The following MTUS2 variants were observed in gnomAD, a reference collection of about 807,000 sequenced individuals.
MTUS2 encodes the protein microtubule-associated tumor suppressor candidate 2.
In MTUS2, 40 loss-of-function variants were observed where a neutral mutation model predicts 114.1. That is an observed-to-expected ratio of 0.35 (90% CI 0.27 to 0.46). MTUS2 has a LOEUF of 0.46. Among genes scored for constraint, MTUS2 ranks in the 20% least tolerant of loss-of-function variants. MTUS2 has a pLI of 1.00. For synonymous variants in MTUS2, 688 were observed against 672.0 expected, an observed-to-expected ratio of 1.02 and a Z score of -0.37; for missense variants, 1,679 against 1,705.4, an observed-to-expected ratio of 0.98 and a Z score of 0.27.
At chr13:28,958,604 G>A (rs1333636319) in intron 2 of MTUS2, among the ~76,000 whole-genome samples, 1 of 152,206 alleles carries the variant, frequency 6.6e-6, no homozygotes, top group Non-Finnish European at 1.5e-5. Flanking sequence ...AGATTAAAAG[G>A]TGTGGAAATT....
chr13:28,964,218 G>A lies in MTUS2; in HGVS notation c.-242-60239G>A, dbSNP rs570007162. 1.3e-4 allele frequency among the ~76,000 whole-genome samples: 20 copies of A among 152,236 alleles called. No homozygotes were observed. In the South Asian group the frequency reaches 4.1e-3, roughly 32 times the overall value. On this transcript the variant is annotated intron_variant, in intron 2 of 15. Coordinates refer to ENST00000612955, the MANE Select transcript of MTUS2 (RefSeq NM_001033602.4). The stretch of plus-strand genomic sequence containing the variant: ...TTCCTACCTGGTCATCTGCAGTCTA[G>A]TAAATGGCAATACTGCTGACTCTGC...
chr13:28,955,849 G>T (rs1339287237), intron 2 of MTUS2, among the ~76,000 whole-genome samples: 1 of 151,564 alleles, frequency 6.6e-6, no homozygotes, highest in Non-Finnish European at 1.5e-5. Flanking sequence ...GCCCCTTTCT[G>T]CTTGGACCAT....
rs1020896980 is a variant in MTUS2 at position 28,935,759 on chromosome 13, A to AT, written c.-242-88687dup. Among the ~76,000 whole-genome samples the AT allele has an allele frequency of 7.8e-3, 1,155 of 147,320 alleles. 16 individuals carry two copies. Among genetic ancestry groups the AT allele is most frequent in the African/African-American group, 0.026 (1,057 of 40,420 alleles). On this transcript the variant is annotated intron_variant, in intron 2 of 15. Coordinates refer to ENST00000612955, the MANE Select transcript of MTUS2 (RefSeq NM_001033602.4). ...TGCAAACATTCCAAAGACCAGGCTC[A>AT]TTTTTTTTTTTAAGAGACAGAGTCT...
chr13:29,444,987 A>G (rs1220456307), intron 9 of MTUS2, among the ~76,000 whole-genome samples: 1 of 152,122 alleles, frequency 6.6e-6, no homozygotes. Flanking sequence ...TAAGCATGGA[A>G]AGTAATCCCC....
intron 4 of MTUS2, among the ~76,000 whole-genome samples, chr13:29,047,488 A>G (rs1222914918): frequency 4.0e-5 from 6 of 151,052 alleles, no homozygotes; most frequent in African/African-American, 1.5e-4. Flanking sequence ...GTTGAGCTAT[A>G]GTTCACATAC....
At chr13:29,090,855 G>C (rs1889912874) in intron 4 of MTUS2, among the ~76,000 whole-genome samples, 1 of 152,214 alleles carries the variant, frequency 6.6e-6, no homozygotes, top group Non-Finnish European at 1.5e-5. Flanking sequence ...CAAACCCTTT[G>C]GGACCCATGC....
chr13:29,389,344 CGTGTGTGT>C lies in MTUS2; in HGVS notation c.3117+29872_3117+29879del, dbSNP rs1872916480. On this transcript the variant is annotated intron_variant, in intron 8 of 15. Transcript: ENST00000612955. ...ACATATGTGTGTATATATGTATGCA[CGTGTGTGT>C]ATATATGTATGCACGTGTGTGTATA... is the stretch of plus-strand genomic sequence containing the variant. Among the ~76,000 whole-genome samples, 57 of 55,984 alleles carry C rather than the reference CGTGTGTGT, an allele frequency of 1.0e-3. 1 individual carries two copies. The highest frequency in any genetic ancestry group is 0.014 in the Middle Eastern group (1 of 70). The allele number at this position is 55,984 out of a possible 152,430, so 36.7% of individuals were successfully genotyped here.
chr13:29,219,363 AG>A (rs1284576918), intron 5 of MTUS2, among the ~76,000 whole-genome samples: 3 of 149,878 alleles, frequency 2.0e-5, no homozygotes, highest in Non-Finnish European at 1.5e-5. Flanking sequence ...TTCTTAATCC[AG>A]TCTATCATTG....
rs145364144 is a variant in MTUS2 at position 29,298,057 on chromosome 13, A to C, written c.2806+16192A>C. On this transcript the variant is annotated intron_variant, in intron 6 of 15. Coordinates refer to ENST00000612955, the MANE Select transcript of MTUS2 (RefSeq NM_001033602.4). Reference sequence around the variant, plus strand: ...AGTGCATTGATCCATATAATTTTACACTAATAGTGGGGCTGTACCTGTTGA... The same window carrying C: ...AGTGCATTGATCCATATAATTTTACCCTAATAGTGGGGCTGTACCTGTTGA... Among the ~76,000 whole-genome samples, 461 of 152,318 alleles carry C rather than the reference A, an allele frequency of 3.0e-3. 2 individuals carry two copies. Among genetic ancestry groups the C allele is most frequent in the Middle Eastern group, 0.01 (3 of 294 alleles).
intron 2 of MTUS2, among the ~76,000 whole-genome samples, chr13:28,966,246 G>T (rs1883577411): frequency 6.6e-6 from 1 of 152,104 alleles, no homozygotes; most frequent in South Asian, 2.1e-4. Flanking sequence ...CAAAAAAAAT[G>T]ATTAATTCCT....
At chr13:29,212,895 C>T (rs1383643740) in intron 5 of MTUS2, among the ~76,000 whole-genome samples, 1 of 152,112 alleles carries the variant, frequency 6.6e-6, no homozygotes, top group Non-Finnish European at 1.5e-5. Flanking sequence ...CAATCTCCAG[C>T]GCCAGAGGAA....
At chr13:29,246,855 G>A (rs1458627896) in intron 5 of MTUS2, among the ~76,000 whole-genome samples, 1 of 150,190 alleles carries the variant, frequency 6.7e-6, no homozygotes, top group Non-Finnish European at 1.5e-5. Context: ...GAAATTCAAT[G>A]CAATTCTCAT....
intron 4 of MTUS2, among the ~76,000 whole-genome samples, chr13:29,058,186 C>A (rs1426382154): frequency 6.7e-6 from 1 of 149,190 alleles, no homozygotes; most frequent in East Asian, 2.0e-4. Flanking sequence ...GCTTCTTTTT[C>A]TCTCTAGCTG....
chr13:28,982,200 C>T lies in MTUS2; in HGVS notation c.-242-42257C>T, dbSNP rs554288402. The stretch of plus-strand genomic sequence containing the variant: ...AGACAGATGGAAAAAGGCACATTCT[C>T]TGGGTCCAGGATGGGAGGTGGATGC... On this transcript the variant is annotated intron_variant, in intron 2 of 15. Transcript: ENST00000612955. 3.3e-5 allele frequency among the ~76,000 whole-genome samples: 5 copies of T among 152,230 alleles called. No homozygotes were observed. The East Asian group carries it at 5.8e-4, about 18-fold the overall frequency.
intron 2 of MTUS2, among the ~76,000 whole-genome samples, chr13:28,996,698 A>G (rs1885126470): frequency 2.0e-5 from 3 of 152,164 alleles, no homozygotes; most frequent in Admixed American, 6.5e-5. Context: ...AGGTGTTTAT[A>G]GTATTTTCTG....
chr13:29,149,255 T>C (rs1593529877), intron 5 of MTUS2, among the ~76,000 whole-genome samples: 1 of 152,234 alleles, frequency 6.6e-6, no homozygotes, highest in East Asian at 1.9e-4. Context: ...TGGTTTTGAT[T>C]TGCATTTCTC....
At chr13:28,961,044 A>G (rs1210642754) in intron 2 of MTUS2, among the ~76,000 whole-genome samples, 3 of 152,174 alleles carry the variant, frequency 2.0e-5, no homozygotes, top group Non-Finnish European at 4.4e-5. Flanking sequence ...AGAGGAGAAA[A>G]AATCAGTGAG....
intron 2 of MTUS2, among the ~76,000 whole-genome samples, chr13:28,995,619 C>G (rs1433295788): frequency 1.3e-5 from 2 of 152,000 alleles, no homozygotes; most frequent in Admixed American, 1.3e-4. Flanking sequence ...CCTTCACATC[C>G]CTTGTAAGTT....
rs117075818 is a variant in MTUS2, at chr13:29,017,729, T to C, written c.-242-6728T>C. 1.7e-3 allele frequency among the ~76,000 whole-genome samples: 257 copies of C among 151,356 alleles called. 3 individuals carry two copies. In the East Asian group the frequency reaches 0.036, roughly 21 times the overall value. On this transcript the variant is annotated intron_variant, in intron 2 of 15. Transcript: ENST00000612955. The stretch of plus-strand genomic sequence containing the variant: ...AAAAAAAAAAAAACTCACATTGTAG[T>C]GAACATTTCACCTTTTTGAGCTGAG...
Sources: gnomAD v4.1 joint callset for allele counts (sites outside exome capture counted in the v4.1 genomes callset) on GRCh38, gnomAD v4.1.1 for gene constraint, MANE v1.5 for transcripts, NCBI Gene and HGNC (gene_info 2026-07-23, HGNC 2026-07-21) for gene names.